The following RBFOX1 variants were observed in gnomAD, a reference collection of about 807,000 sequenced individuals.
RBFOX1 encodes RNA binding fox-1 homolog 1.
In RBFOX1, 8 loss-of-function variants were observed where a neutral mutation model predicts 57.7. The ratio of observed to expected loss-of-function variants is 0.14; its 90% confidence interval spans 0.08 to 0.25. The LOEUF (loss-of-function observed/expected upper bound fraction) is 0.25, where lower values mean the gene tolerates loss of function less well. Among genes scored for constraint, RBFOX1 ranks in the 10% least tolerant of loss-of-function variants. The pLI, the probability that RBFOX1 is intolerant of heterozygous loss-of-function variation, is 1.00. For synonymous variants in RBFOX1, 326 were observed against 222.4 expected, an observed-to-expected ratio of 1.47 and a Z score of -4.15; for missense variants, 611 against 548.5, an observed-to-expected ratio of 1.11 and a Z score of -1.14.
intron 2 of RBFOX1, among the ~76,000 whole-genome samples, chr16:6,544,711 C>G (rs150410983): frequency 4.9e-4 from 75 of 152,294 alleles, no homozygotes; most frequent in Admixed American, 3.3e-4. Context: ...ATAAGTTTGT[C>G]TTTTCAAACC....
intron 2 of RBFOX1, among the ~76,000 whole-genome samples, chr16:6,646,221 C>T (rs8051857): frequency 2.6e-5 from 4 of 152,164 alleles, no homozygotes; most frequent in Non-Finnish European, 5.9e-5. Flanking sequence ...CTCTAGGCAG[C>T]GTGATCCGAA....
chr16:6,744,488 A>T (rs894646055), intron 3 of RBFOX1, among the ~76,000 whole-genome samples: 1 of 152,112 alleles, frequency 6.6e-6, no homozygotes, highest in Non-Finnish European at 1.5e-5. Flanking sequence ...AGAGAATTGA[A>T]GTTATTTCTC....
chr16:5,415,280 G>C (rs1390687807), intron 1 of RBFOX1, among the ~76,000 whole-genome samples: 1 of 152,202 alleles, frequency 6.6e-6, no homozygotes, highest in Non-Finnish European at 1.5e-5. Context: ...GGTGGCAGGA[G>C]AGAGCAAGAA....
chr16:7,511,381 C>G (rs147097257), intron 4 of RBFOX1, among the ~76,000 whole-genome samples: 1 of 152,128 alleles, frequency 6.6e-6, no homozygotes, highest in Non-Finnish European at 1.5e-5. Flanking sequence ...AACAACAAAA[C>G]TCTCTCATCT....
intron 3 of RBFOX1, among the ~76,000 whole-genome samples, chr16:6,970,033 A>G (rs1028734994): frequency 1.4e-4 from 21 of 151,580 alleles, no homozygotes; most frequent in African/African-American, 5.1e-4. Flanking sequence ...AAAAAATTAG[A>G]TGGGCATGGT....
At chr16:5,355,245 G>A (rs1023763748) in intron 1 of RBFOX1, among the ~76,000 whole-genome samples, 17 of 152,142 alleles carry the variant, frequency 1.1e-4, no homozygotes, top group Admixed American at 1.1e-3. Context: ...AGCAGGAAAT[G>A]GCAGATGGCA....
At chr16:5,997,771 A>G (rs13336210) in intron 4 of RBFOX1, among the ~76,000 whole-genome samples, 1,685 of 152,342 alleles carry the variant, frequency 0.011, 29 homozygotes, top group African/African-American at 0.038. Context: ...TCACTCAACT[A>G]GGAGATCATC....
chr16:6,816,629 G>C (rs930474334), intron 3 of RBFOX1, among the ~76,000 whole-genome samples: 2 of 150,928 alleles, frequency 1.3e-5, no homozygotes, highest in Admixed American at 6.6e-5. Flanking sequence ...AGTCCCAGCT[G>C]CTTGGGAGGC....
chr16:6,528,540 C>G (rs982634108), intron 2 of RBFOX1, among the ~76,000 whole-genome samples: 1 of 152,164 alleles, frequency 6.6e-6, no homozygotes, highest in African/African-American at 2.4e-5. Context: ...TTCACACGTC[C>G]TATATTTGGA....
At chr16:7,006,299 T>A (rs1157239409) in intron 3 of RBFOX1, among the ~76,000 whole-genome samples, 1 of 152,014 alleles carries the variant, frequency 6.6e-6, no homozygotes, top group East Asian at 1.9e-4. Context: ...GGATTACAGG[T>A]ACACACCAGT....
At position 6,213,692 on chromosome 16, in the gene RBFOX1, T is replaced by G. The variant is rs555726453; in HGVS notation, c.-126-103303T>G. Among the ~76,000 whole-genome samples, 4 of 152,328 alleles carry G rather than the reference T, an allele frequency of 2.6e-5. No individual in the cohort carries two copies. The South Asian group carries it at 6.2e-4, about 24-fold the overall frequency. On this transcript the variant is annotated intron_variant, in intron 1 of 15. Transcript: ENST00000550418. ...AAGAAGAAATACTGGATGGTTTAAA[T>G]CATTCTGTGCTTAAGAGCAAAGCTG...
chr16:5,666,391 T>G (rs536776803), intron 3 of RBFOX1, among the ~76,000 whole-genome samples: 1 of 152,314 alleles, frequency 6.6e-6, no homozygotes, highest in African/African-American at 2.4e-5. Flanking sequence ...CTGGGAAGAT[T>G]ACGTGCTCCT....
rs540759459 is a variant in RBFOX1 at position 6,100,176 on chromosome 16, T to G, written c.-127+80184T>G. Among the ~76,000 whole-genome samples, 410 of 152,266 alleles carry G rather than the reference T, an allele frequency of 2.7e-3. 1 individual carries two copies. Among genetic ancestry groups the G allele is most frequent in the African/African-American group, 9.5e-3 (394 of 41,546 alleles). On this transcript the variant is annotated intron_variant, in intron 1 of 15. Transcript: ENST00000550418. ...TGTTGTTTTTTTTTGTTGTTGTTGT[T>G]TTTTGAGACGGAGTCTTGCTCTGTC...
chr16:6,948,369 CCCTTTCTTTTTTTTTT>C (rs1251685367), intron 3 of RBFOX1, among the ~76,000 whole-genome samples: 8 of 138,778 alleles, frequency 5.8e-5, no homozygotes, highest in Non-Finnish European at 1.3e-4. Flanking sequence ...TTTTCTTTCT[CCCTTTCTTTTTTTTTT>C]TTTTTTTTTT....
intron 11 of RBFOX1, among the ~76,000 whole-genome samples, chr16:7,638,413 T>A (rs1878047655): frequency 2.8e-5 from 1 of 35,100 alleles, no homozygotes; most frequent in Non-Finnish European, 7.5e-5. Context: ...TCTTCACTAC[T>A]CTCTCAACTT....
At chr16:5,287,869 G>T (rs1596401294) in intron 1 of RBFOX1, among the ~76,000 whole-genome samples, 1 of 152,244 alleles carries the variant, frequency 6.6e-6, no homozygotes, top group South Asian at 2.1e-4. Context: ...ACAAATGGCA[G>T]AGTCTTGGAT....
intron 3 of RBFOX1, among the ~76,000 whole-genome samples, chr16:6,994,948 TGTG>T (rs2092034954): frequency 7.7e-6 from 1 of 130,350 alleles, no homozygotes; most frequent in African/African-American, 3.1e-5. Context: ...CATTATTTTG[TGTG>T]TGTGTGTGTG....
chr16:6,462,347 C>G lies in RBFOX1; in HGVS notation c.-64+145290C>G, dbSNP rs114151552. On this transcript the variant is annotated intron_variant, in intron 2 of 15. Coordinates refer to ENST00000550418, the MANE Select transcript of RBFOX1 (RefSeq NM_018723.4). ...ATGCTTATGCTTTTTAAAGGGTGGC[C>G]TCATCCTCCGCCTTTTATTCAGTAA... Among the ~76,000 whole-genome samples, 1,336 of 152,216 alleles carry G rather than the reference C, an allele frequency of 8.8e-3. 16 individuals carry two copies. Among genetic ancestry groups the G allele is most frequent in the African/African-American group, 0.031 (1,277 of 41,526 alleles).
At position 7,639,969 on chromosome 16, in the gene RBFOX1, C is replaced by T. The variant is rs1043914857; in HGVS notation, c.757+9286C>T. 2.6e-5 allele frequency among the ~76,000 whole-genome samples: 4 copies of T among 152,174 alleles called. No homozygotes were observed. The South Asian group carries it at 8.3e-4, about 32-fold the overall frequency. ...GTGAACTCCAGAGATTATTCTTTCTCCATCACTGAAGCACCATCTCTGCTT... is the reference window on the plus strand; with the variant it reads ...GTGAACTCCAGAGATTATTCTTTCTTCATCACTGAAGCACCATCTCTGCTT... On this transcript the variant is annotated intron_variant, in intron 11 of 15. Coordinates refer to ENST00000550418, the MANE Select transcript of RBFOX1 (RefSeq NM_018723.4).
Sources: allele counts gnomAD v4.1 joint callset (sites outside exome capture counted in the v4.1 genomes callset), GRCh38; gene constraint gnomAD v4.1.1; transcripts MANE v1.5; gene names NCBI Gene and HGNC (gene_info 2026-07-23, HGNC 2026-07-21).